Variants in TMEM164 observed in about 807,000 individuals in gnomAD.
The protein encoded by TMEM164 is transmembrane protein 164, also known as RP13-360B22.2.
In TMEM164, 4 loss-of-function variants were observed where a neutral mutation model predicts 18.8. That is an observed-to-expected ratio of 0.21 (90% CI 0.10 to 0.49). The LOEUF (loss-of-function observed/expected upper bound fraction) is 0.49, where lower values mean the gene tolerates loss of function less well. TMEM164 is among the 20% of genes least tolerant of loss of function. The pLI is 0.98. For missense variants in TMEM164, 108 were observed against 239.9 expected (o/e 0.45, Z 3.63); for synonymous variants, 86 against 101.7 (o/e 0.85, Z 0.93).
intron 4 of TMEM164, among the ~76,000 whole-genome samples, chrX:110,116,169 G>A (rs956453004): frequency 8.9e-6 from 1 of 111,947 alleles, no homozygotes; most frequent in Non-Finnish European, 1.9e-5. Flanking sequence ...CAAGAAATGG[G>A]AAAAAGATTA....
At chrX:110,058,609 C>CTT (rs34108969) in intron 2 of TMEM164, among the ~76,000 whole-genome samples, 31,913 of 81,055 alleles carry the variant, frequency 0.39, 7,145 homozygotes, top group Non-Finnish European at 0.57. Flanking sequence ...CCCTTTCTTT[C>CTT]TTTTTTTTTT....
At chrX:110,068,675 G>A (rs1044589183) in intron 3 of TMEM164, among the ~76,000 whole-genome samples, 43 of 111,654 alleles carry the variant, frequency 3.9e-4, no homozygotes, top group African/African-American at 1.4e-3. Context: ...ATATAGGTGT[G>A]TAAATCATAA....
Position 110,148,675 on chromosome X carries a change from ATTTTTTTTTTTTT to A in TMEM164, c.586+3811_586+3823del, listed in dbSNP as rs373500523. Among the ~76,000 whole-genome samples, 29 of 67,893 alleles carry A rather than the reference ATTTTTTTTTTTTT, an allele frequency of 4.3e-4. No homozygotes were observed. In the South Asian group the frequency reaches 0.019, roughly 44 times the overall value. The allele number at this position is 67,893 out of a possible 115,157, so 59.0% of individuals were successfully genotyped here. ...AGGCACATACTACCACACCCGGCTC[ATTTTTTTTTTTTT>A]TTTTTTTTTTTGTATTGTGTAGAGA... is the stretch of plus-strand genomic sequence containing the variant. On this transcript the variant is annotated intron_variant, in intron 5 of 6. Coordinates refer to ENST00000372068, the MANE Select transcript of TMEM164 (RefSeq NM_032227.4).
At position 110,003,648 on chromosome X, in the gene TMEM164, C is replaced by T. The variant is rs1302867530; in HGVS notation, c.-127C>T. The stretch of plus-strand genomic sequence containing the variant: ...CTTCCCCTCCCCTACTCTCGGTGCC[C>T]TGGTGTCTGGAGGGGGGTTGTGGGG... On this transcript the variant is annotated 5_prime_UTR_variant, in exon 2 of 7. Transcript: ENST00000372068. The T allele has an allele frequency of 2.5e-6, 2 of 786,985 alleles. No individual in the cohort carries two copies. Among genetic ancestry groups the T allele is most frequent in the African/African-American group, 4.3e-5 (2 of 46,905 alleles). The allele number at this position is 786,985 out of a possible 1,213,427, so 64.9% of individuals were successfully genotyped here. A position where few individuals can be genotyped will look rare whatever the true frequency, so the allele number is the denominator to read the frequency against.
intron 3 of TMEM164, among the ~76,000 whole-genome samples, chrX:110,069,570 C>CTTTTTTTTTTTTTTTAT (rs2065552648): frequency 1.1e-5 from 1 of 91,465 alleles, no homozygotes; most frequent in Non-Finnish European, 2.2e-5. Context: ...TTTATATTGA[C>CTTTTTTTTTTTTTTTAT]TTTTTTTTTT....
intron 3 of TMEM164, among the ~76,000 whole-genome samples, chrX:110,068,042 G>A (rs2065528086): frequency 8.9e-6 from 1 of 112,617 alleles, no homozygotes; most frequent in African/African-American, 3.2e-5. Flanking sequence ...CTAATGAGAA[G>A]CCAAATCGAC....
intron 2 of TMEM164, among the ~76,000 whole-genome samples, chrX:110,023,370 G>A (rs1934013169): frequency 9.1e-6 from 1 of 109,798 alleles, no homozygotes; most frequent in Non-Finnish European, 1.9e-5. Flanking sequence ...GACAAGAGGT[G>A]CCTGTCCTTA....
chrX:110,122,352 A>G (rs1235723781), intron 4 of TMEM164, among the ~76,000 whole-genome samples: 6 of 100,466 alleles, frequency 6.0e-5, no homozygotes, highest in African/African-American at 1.5e-4. Flanking sequence ...GCATATTCTC[A>G]CTCATAGGTG....
Position 110,124,196 on chromosome X carries a change from C to A in TMEM164, c.507+15050C>A, listed in dbSNP as rs925095198. ...GAAGGAAGGCAGGAAGGCAGGCAGG[C>A]AGGCAGGCAGGCAGGAAGGCAGGAA... On this transcript the variant is annotated intron_variant, in intron 4 of 6. Transcript: ENST00000372068. 9.7e-5 allele frequency among the ~76,000 whole-genome samples: 9 copies of A among 92,602 alleles called. No homozygotes were observed. The East Asian group carries it at 2.6e-3, about 27-fold the overall frequency. The allele number at this position is 92,602 out of a possible 115,157, so 80.4% of individuals were successfully genotyped here.
At chrX:110,061,123 A>G (rs981010342) in intron 2 of TMEM164, among the ~76,000 whole-genome samples, 6 of 112,392 alleles carry the variant, frequency 5.3e-5, no homozygotes, top group African/African-American at 1.9e-4. Context: ...TGAAAATTTA[A>G]TATGATTTGT....
chrX:110,161,031 G>A, intron 5 of TMEM164, among the ~76,000 whole-genome samples: 1 of 112,367 alleles, frequency 8.9e-6, no homozygotes, highest in East Asian at 2.8e-4. Context: ...TGAAATACAG[G>A]CAATTCAGAT....
intron 3 of TMEM164, among the ~76,000 whole-genome samples, chrX:110,092,830 G>T (rs770292831): frequency 3.2e-4 from 36 of 112,040 alleles, no homozygotes; most frequent in Non-Finnish European, 6.4e-4. Flanking sequence ...CATTCAGTAT[G>T]ATATTGGCTG....
chrX:110,031,923 A>T (rs987237223), intron 2 of TMEM164, among the ~76,000 whole-genome samples: 1 of 109,311 alleles, frequency 9.1e-6, no homozygotes, highest in Non-Finnish European at 1.9e-5. Flanking sequence ...CACAATGTGC[A>T]GGTTTGTTAC....
At chrX:110,136,218 G>A (rs2066688626) in intron 4 of TMEM164, among the ~76,000 whole-genome samples, 1 of 111,353 alleles carries the variant, frequency 9.0e-6, no homozygotes, top group South Asian at 3.8e-4. Context: ...TGGCAATGTG[G>A]TATTCTGTAC....
At chrX:110,133,624 CA>C (rs775016576) in intron 4 of TMEM164, among the ~76,000 whole-genome samples, 3 of 111,800 alleles carry the variant, frequency 2.7e-5, no homozygotes, top group East Asian at 5.6e-4. Flanking sequence ...CAATTCAGGC[CA>C]TAAGAGTCAG....
chrX:110,123,531 T>C (rs1253227913), intron 4 of TMEM164, among the ~76,000 whole-genome samples: 1 of 112,516 alleles, frequency 8.9e-6, no homozygotes, highest in Non-Finnish European at 1.9e-5. Flanking sequence ...ACTCAGGTCT[T>C]CTGACTTCCA....
intron 5 of TMEM164, among the ~76,000 whole-genome samples, chrX:110,145,914 T>A (rs1251440122): frequency 8.9e-6 from 1 of 112,445 alleles, no homozygotes; most frequent in Non-Finnish European, 1.9e-5. Context: ...TTGCCTCCTA[T>A]GCCTTGATTT....
intron 4 of TMEM164, among the ~76,000 whole-genome samples, chrX:110,116,286 C>T (rs1267392865): frequency 8.9e-6 from 1 of 112,193 alleles, no homozygotes; most frequent in Non-Finnish European, 1.9e-5. Flanking sequence ...AGGTTCAGAT[C>T]AGATTAAACG....
intron 4 of TMEM164, among the ~76,000 whole-genome samples, chrX:110,125,590 G>T (rs1159496984): frequency 8.9e-6 from 1 of 112,298 alleles, no homozygotes; most frequent in East Asian, 2.8e-4. Flanking sequence ...TGGCTCAGGA[G>T]ATGAAGTCTC....
Sources: gnomAD v4.1 joint callset for allele counts (sites outside exome capture counted in the v4.1 genomes callset) on GRCh38, gnomAD v4.1.1 for gene constraint, MANE v1.5 for transcripts, NCBI Gene and HGNC (gene_info 2026-07-23, HGNC 2026-07-21) for gene names.